The following KAT6A variants were observed in gnomAD, a reference collection of about 807,000 sequenced individuals.
KAT6A encodes the protein histone acetyltransferase KAT6A.
KAT6A carries 9 observed loss-of-function variants against 198.4 expected under a neutral mutation model. The observed-to-expected ratio is 0.05, with a 90% confidence interval of 0.03 to 0.08. The LOEUF (loss-of-function observed/expected upper bound fraction) is 0.08, where lower values mean the gene tolerates loss of function less well. Ranked by LOEUF, KAT6A falls within the 10% of genes least tolerant of loss-of-function variation. The probability of loss-of-function intolerance (pLI) is 1.00; values close to 1 mark genes in which losing one functional copy is unlikely to be tolerated. For missense variants in KAT6A, 2,077 were observed against 2,509.9 expected (o/e 0.83, Z 3.69); for synonymous variants, 890 against 883.0 (o/e 1.01, Z -0.14).
chr8:41,953,718 C>A (rs1226999811), intron 9 of KAT6A, among the ~76,000 whole-genome samples: 1 of 152,128 alleles, frequency 6.6e-6, no homozygotes, highest in African/African-American at 2.4e-5. Flanking sequence ...AGGCGATCTG[C>A]CTATCTCGGC....
chr8:41,982,446 T>G (rs575983117), intron 3 of KAT6A, among the ~76,000 whole-genome samples: 16 of 152,354 alleles, frequency 1.1e-4, no homozygotes, highest in African/African-American at 3.6e-4. Context: ...GTTTTACTTT[T>G]GTAATTTAAA....
chr8:41,990,020 G>C (rs888856252), intron 2 of KAT6A, among the ~76,000 whole-genome samples: 1 of 151,410 alleles, frequency 6.6e-6, no homozygotes, highest in African/African-American at 2.4e-5. Context: ...AGTAAGTCAG[G>C]AAAGACTTTA....
At chr8:41,989,563 A>G (rs200736490) in intron 2 of KAT6A, among the ~76,000 whole-genome samples, 92 of 117,562 alleles carry the variant, frequency 7.8e-4, no homozygotes, top group South Asian at 3.9e-3. Context: ...GACGTGACGT[A>G]ACATAACATA....
chr8:42,012,152 A>AGCAT (rs1283070891), intron 2 of KAT6A, among the ~76,000 whole-genome samples: 1 of 152,216 alleles, frequency 6.6e-6, no homozygotes, highest in African/African-American at 2.4e-5. Flanking sequence ...ATAGCTGGTA[A>AGCAT]GCATGCAAAA....
intron 2 of KAT6A, among the ~76,000 whole-genome samples, chr8:42,035,914 T>C (rs1827354822): frequency 6.6e-6 from 1 of 152,014 alleles, no homozygotes; most frequent in African/African-American, 2.4e-5. Flanking sequence ...GCGAGAAAGA[T>C]GATAGAGTCA....
rs755242986 is a variant in KAT6A at position 41,977,063 on chromosome 8, T to C, written c.1308A>G (p.Gln436=). 1 of 1,613,762 alleles carries C rather than the reference T, an allele frequency of 6.2e-7. No homozygotes were observed. The highest frequency in any genetic ancestry group is 8.5e-7 in the Non-Finnish European group (1 of 1,179,768). Residue 436 remains glutamine, a synonymous_variant, in exon 7 of 17, where the codon CAA becomes CAG. Transcript: ENST00000265713. ...TGTTGCCCCTCTTTCTGATTCGATATTGCTCAGAGTAGTCCACCACTTCCC... is the reference window on the plus strand; with the variant it reads ...TGTTGCCCCTCTTTCTGATTCGATACTGCTCAGAGTAGTCCACCACTTCCC... ...ARGEVVDYSE[Q]YRIRKRGNRK...
chr8:41,979,685 CG>C (rs1419264067), intron 5 of KAT6A, among the ~76,000 whole-genome samples: 1 of 151,890 alleles, frequency 6.6e-6, no homozygotes, highest in Non-Finnish European at 1.5e-5. Flanking sequence ...AAATTGAAGA[CG>C]TTTCAAAAAG....
intron 14 of KAT6A, among the ~76,000 whole-genome samples, 169 bp from the exon 15 acceptor site, chr8:41,941,613 CT>C (rs1822140616): frequency 6.6e-6 from 1 of 152,136 alleles, no homozygotes; most frequent in Non-Finnish European, 1.5e-5. Context: ...GCTTTAAATT[CT>C]GTATATGCAT....
chr8:41,940,901 G>GCTC lies in KAT6A; in HGVS notation c.2977_2979dup (p.Glu993dup), dbSNP rs139076845. On this transcript the variant is annotated inframe_insertion, in exon 15 of 17. Transcript: ENST00000265713. Reference sequence around the variant, plus strand: ...GGCGAGCTTGACCGAGGGCTTTCCGGCTCCTCCTCCTCCTCGCTGCTCTCA... The same window carrying GCTC: ...GGCGAGCTTGACCGAGGGCTTTCCGGCTCCTCCTCCTCCTCCTCGCTGCTCTCA... The GCTC allele has an allele frequency of 4.2e-5, 67 of 1,611,736 alleles. No homozygotes were observed. In the African/African-American group the frequency reaches 7.1e-4, roughly 17 times the overall value.
At chr8:41,946,938 C>A (rs1822425368) in intron 11 of KAT6A, among the ~76,000 whole-genome samples, 1 of 152,164 alleles carries the variant, frequency 6.6e-6, no homozygotes, top group Admixed American at 6.5e-5. Context: ...ATCTGCAACT[C>A]AAACACAGTA....
At chr8:42,049,726 T>G (rs925454582) in intron 1 of KAT6A, 6 of 152,196 alleles carry the variant, frequency 3.9e-5, no homozygotes, top group African/African-American at 1.4e-4. Context: ...AAAGTAAAAG[T>G]GAATCTTTCA....
intron 2 of KAT6A, among the ~76,000 whole-genome samples, chr8:42,021,811 C>T (rs1445851521): frequency 6.6e-6 from 1 of 152,070 alleles, no homozygotes; most frequent in African/African-American, 2.4e-5. Flanking sequence ...ACCTGTAGTC[C>T]CAGCTACTCT....
intron 2 of KAT6A, among the ~76,000 whole-genome samples, chr8:42,043,248 A>AAGGTATTACT (rs1827753376): frequency 6.6e-6 from 1 of 152,238 alleles, no homozygotes; most frequent in African/African-American, 2.4e-5. Flanking sequence ...ACCTTACAGT[A>AAGGTATTACT]ATATCTATAT....
intron 8 of KAT6A, among the ~76,000 whole-genome samples, chr8:41,962,037 T>C (rs1587747108): frequency 1.3e-5 from 2 of 152,192 alleles, no homozygotes; most frequent in South Asian, 4.1e-4. Context: ...ATTTAAAAAC[T>C]GATCCTTCCT....
intron 2 of KAT6A, among the ~76,000 whole-genome samples, chr8:42,032,223 T>C (rs1037044978): frequency 6.6e-6 from 1 of 152,200 alleles, no homozygotes; most frequent in African/African-American, 2.4e-5. Flanking sequence ...CAAGGAGTAC[T>C]AAGATTGAAC....
chr8:42,026,628 T>C (rs1000398567), intron 2 of KAT6A, among the ~76,000 whole-genome samples: 1 of 152,226 alleles, frequency 6.6e-6, no homozygotes, highest in Non-Finnish European at 1.5e-5. Flanking sequence ...CCTGCAACTT[T>C]ATTGAATTTG....
At chr8:42,013,189 T>C (rs1299181498) in intron 2 of KAT6A, among the ~76,000 whole-genome samples, 1 of 151,822 alleles carries the variant, frequency 6.6e-6, no homozygotes, top group Admixed American at 6.6e-5. Flanking sequence ...GAATGCATTA[T>C]TGCATGTAAA....
intron 2 of KAT6A, among the ~76,000 whole-genome samples, chr8:41,990,635 C>CAAG (rs956196909): frequency 3.9e-5 from 6 of 152,128 alleles, no homozygotes; most frequent in African/African-American, 1.4e-4. Context: ...CATTAGTCAC[C>CAAG]AAGAAAATAG....
At chr8:41,971,764 G>T (rs1823806944) in intron 8 of KAT6A, among the ~76,000 whole-genome samples, 1 of 152,142 alleles carries the variant, frequency 6.6e-6, no homozygotes. Context: ...AAAAGCAGAA[G>T]CAAGTTTAGT....
Sources: allele counts gnomAD v4.1 joint callset (sites outside exome capture counted in the v4.1 genomes callset), GRCh38; gene constraint gnomAD v4.1.1; transcripts MANE v1.5; gene names NCBI Gene and HGNC (gene_info 2026-07-23, HGNC 2026-07-21).